The following BIRC6 variants were observed in gnomAD, a reference collection of about 807,000 sequenced individuals.
The protein encoded by BIRC6 is baculoviral IAP repeat containing 6.
Under a neutral mutation model 503.3 loss-of-function variants are expected in BIRC6, and 98 were observed. The ratio of observed to expected loss-of-function variants is 0.19; its 90% confidence interval spans 0.17 to 0.23. The LOEUF (loss-of-function observed/expected upper bound fraction) is 0.23. BIRC6 is among the 10% of genes least tolerant of loss of function. BIRC6 has a pLI of 1.00. For synonymous variants in BIRC6, 2,240 were observed against 2,078.7 expected, an observed-to-expected ratio of 1.08 and a Z score of -2.11; for missense variants, 5,360 against 5,806.0, an observed-to-expected ratio of 0.92 and a Z score of 2.50.
chr2:32,513,323 TTG>T (rs1171624610), intron 54 of BIRC6, among the ~76,000 whole-genome samples, 169 bp downstream of exon 54: 2 of 152,242 alleles, frequency 1.3e-5, no homozygotes, highest in Admixed American at 1.3e-4. Flanking sequence ...TAATTTATCT[TTG>T]TGTTTTAAGA....
chr2:32,395,382 A>T (rs1255525945), intron 5 of BIRC6, 129 bp from the exon 6 acceptor site: 1 of 648,350 alleles, frequency 1.5e-6, no homozygotes, highest in Non-Finnish European at 2.5e-6. Context: ...ACCTAATATT[A>T]TAGGCTAATT....
In BIRC6 at chr2:32,471,036, C is replaced by T. The variant is rs1481815036; in HGVS notation, c.6504C>T (p.Ile2168=). 14 of 1,576,738 alleles carry T rather than the reference C, an allele frequency of 8.9e-6. No homozygotes were observed. The highest frequency in any genetic ancestry group is 1.2e-5 in the Non-Finnish European group (14 of 1,159,016). ...RTEGVLDIPM[I]SWVVMLVSRL... ...CAGGAGTACTAGATATTCCCATGAT[C>T]AGTTGGGTTGTTATGCTGGTGTCCA... Residue 2168 remains isoleucine (I), a synonymous_variant, in exon 32 of 74, where the codon ATC becomes ATT. Coordinates refer to ENST00000421745, the MANE Select transcript of BIRC6 (RefSeq NM_016252.4).
At chr2:32,421,256 G>A (rs1202666825) in intron 10 of BIRC6, among the ~76,000 whole-genome samples, 2 of 151,626 alleles carry the variant, frequency 1.3e-5, no homozygotes, top group Admixed American at 6.6e-5. Context: ...ACAGGCCCGA[G>A]CCACCACGCC....
At chr2:32,413,179 T>A (rs986025877) in intron 9 of BIRC6, among the ~76,000 whole-genome samples, 3 of 147,390 alleles carry the variant, frequency 2.0e-5, no homozygotes, top group African/African-American at 7.5e-5. Flanking sequence ...CCGGCTAATT[T>A]TTTTTTTTTT....
chr2:32,511,201 C>CTTTTTTTTTTTTTTTTTTT, intron 53 of BIRC6, among the ~76,000 whole-genome samples: 39 of 48,588 alleles, frequency 8.0e-4, no homozygotes, highest in Admixed American at 1.7e-3. Flanking sequence ...CTTTTCTTTT[C>CTTTTTTTTTTTTTTTTTTT]TTTTTTTTTT....
At chr2:32,463,445 T>TA in intron 24 of BIRC6, 64 bp downstream of exon 24, 1 of 1,425,784 alleles carries the variant, frequency 7.0e-7, no homozygotes, top group Non-Finnish European at 9.3e-7. Flanking sequence ...AAAAGTACTT[T>TA]AAAAATGACC....
chr2:32,488,728 G>A lies in BIRC6; in HGVS notation c.8095+14G>A. 1 of 1,352,004 alleles carries A rather than the reference G, an allele frequency of 7.4e-7. No individual in the cohort carries two copies. The highest frequency in any genetic ancestry group is 1.0e-6 in the Non-Finnish European group (1 of 996,940). The allele number at this position is 1,352,004 out of a possible 1,614,324, so 83.8% of individuals were successfully genotyped here. Reference sequence around the variant, plus strand: ...CATTAAATCAAGGTAAGATTTATTAGGAGAAAAACATTATAGTCTAAATAG... The same window carrying A: ...CATTAAATCAAGGTAAGATTTATTAAGAGAAAAACATTATAGTCTAAATAG... On this transcript the variant is annotated intron_variant, in intron 42 of 73. Coordinates refer to ENST00000421745, the MANE Select transcript of BIRC6 (RefSeq NM_016252.4).
intron 1 of BIRC6, 47 bp from the exon 2 acceptor site, chr2:32,377,540 AC>A: frequency 1.4e-6 from 2 of 1,439,774 alleles, no homozygotes; most frequent in Non-Finnish European, 1.9e-6. Context: ...TTTTTAATAG[AC>A]CATTGGCCTG....
intron 1 of BIRC6, among the ~76,000 whole-genome samples, chr2:32,362,385 G>T (rs957280534): frequency 6.8e-6 from 1 of 146,684 alleles, no homozygotes; most frequent in Non-Finnish European, 1.5e-5. Context: ...GTGTGATCTC[G>T]GCTCACTGCA....
chr2:32,425,625 G>C (rs1558689536), intron 10 of BIRC6, among the ~76,000 whole-genome samples: 1 of 151,948 alleles, frequency 6.6e-6, no homozygotes, highest in Non-Finnish European at 1.5e-5. Flanking sequence ...CAAACTATTT[G>C]TACAAAGGCT....
intron 52 of BIRC6, 130 bp from the exon 53 acceptor site, chr2:32,510,396 G>T: frequency 1.5e-6 from 1 of 651,634 alleles, no homozygotes; most frequent in South Asian, 1.9e-5. Flanking sequence ...ATTATTTTTA[G>T]AGTTTGTTCT....
intron 57 of BIRC6, among the ~76,000 whole-genome samples, chr2:32,524,009 A>G (rs964663005): frequency 4.6e-5 from 7 of 151,380 alleles, no homozygotes; most frequent in Non-Finnish European, 7.4e-5. Flanking sequence ...ACACCACTGC[A>G]CTCCAGCCTG....
rs2063361029 is a variant in BIRC6 at position 32,618,257 on chromosome 2, GT to G, written c.*355del. On this transcript the variant is annotated 3_prime_UTR_variant, in exon 74 of 74. Transcript: ENST00000421745. ...TTTTTTTACTATAGAGTGAGGGGTT[GT>G]TAACAAAGAATATATATTGGTCATT... 6.3e-6 allele frequency: 1 copy of G among 157,494 alleles called. No homozygotes were observed. Among genetic ancestry groups the G allele is most frequent in the Admixed American group, 6.3e-5 (1 of 15,994 alleles). 9.8% of individuals were successfully genotyped at this position (157,494 alleles called of 1,614,324 possible).
chr2:32,469,632 G>A lies in BIRC6; in HGVS notation c.6347+18G>A, dbSNP rs374440229. 1.1e-5 allele frequency: 17 copies of A among 1,574,230 alleles called. No individual in the cohort carries two copies. In the African/African-American group the frequency reaches 2.3e-4, roughly 21 times the overall value. ...CAGGATAGGTAGGTCAGAAAATGTT[G>A]GAGGTATTTGTTATTAATGATGTGT... On this transcript the variant is annotated intron_variant, in intron 30 of 73. Transcript: ENST00000421745.
chr2:32,559,995 A>G (rs993749364), intron 65 of BIRC6, among the ~76,000 whole-genome samples: 5 of 152,246 alleles, frequency 3.3e-5, no homozygotes, highest in South Asian at 4.1e-4. Context: ...CAGCCTGGGC[A>G]ACAGGGTGAG....
chr2:32,584,493 A>G (rs796442772), intron 66 of BIRC6, among the ~76,000 whole-genome samples: 3 of 152,158 alleles, frequency 2.0e-5, no homozygotes, highest in Non-Finnish European at 2.9e-5. Context: ...AGATAGTGCC[A>G]TTGCACTCCA....
chr2:32,541,085 G>A (rs1261175116), intron 61 of BIRC6, among the ~76,000 whole-genome samples: 2 of 151,864 alleles, frequency 1.3e-5, no homozygotes, highest in African/African-American at 4.8e-5. Flanking sequence ...TTGTTTTGTG[G>A]CATCATATGA....
intron 9 of BIRC6, among the ~76,000 whole-genome samples, chr2:32,410,216 T>TTG (rs1443069731): frequency 6.6e-6 from 1 of 152,232 alleles, no homozygotes; most frequent in African/African-American, 2.4e-5. Flanking sequence ...TCAGGATTTA[T>TTG]TGTGGTATAG....
rs2049757649 is a variant in BIRC6, at chr2:32,476,351, T to G, written c.6852+7T>G. Reference sequence around the variant, plus strand: ...AAAGCAGGCCACTTCAAAGGTATGATCTATACTTTTCAATATAGTTATCTC... The same window carrying G: ...AAAGCAGGCCACTTCAAAGGTATGAGCTATACTTTTCAATATAGTTATCTC... On this transcript the variant is annotated splice_region_variant and intron_variant, in intron 34 of 73. Coordinates refer to ENST00000421745, the MANE Select transcript of BIRC6 (RefSeq NM_016252.4). The G allele has an allele frequency of 1.3e-6, 2 of 1,561,382 alleles. No homozygotes were observed. The highest frequency in any genetic ancestry group is 1.7e-6 in the Non-Finnish European group (2 of 1,154,522).
Sources: gnomAD v4.1 joint callset for allele counts (sites outside exome capture counted in the v4.1 genomes callset) on GRCh38, gnomAD v4.1.1 for gene constraint, MANE v1.5 for transcripts, NCBI Gene and HGNC (gene_info 2026-07-23, HGNC 2026-07-21) for gene names.